Variants in CDK7 observed in about 807,000 individuals in gnomAD.
The protein encoded by CDK7 is cyclin-dependent kinase 7.
In CDK7, 25 loss-of-function variants were observed where a neutral mutation model predicts 49.1. The ratio of observed to expected loss-of-function variants is 0.51; its 90% CI spans 0.37 to 0.71. The LOEUF (loss-of-function observed/expected upper bound fraction) is 0.71. CDK7 is among the 30% of genes least tolerant of loss of function. CDK7 has a pLI of 0.00. For synonymous variants in CDK7, 107 were observed against 140.0 expected, an observed-to-expected ratio of 0.76 and a Z score of 1.67; for missense variants, 316 against 411.7, an observed-to-expected ratio of 0.77 and a Z score of 2.01.
chr5:69,236,149 G>C (rs1748959805), intron 2 of CDK7, among the ~76,000 whole-genome samples: 1 of 151,740 alleles, frequency 6.6e-6, no homozygotes. Flanking sequence ...GCTGAGGCAG[G>C]AGAATCACTT....
chr5:69,235,843 T>C (rs1420675080), intron 2 of CDK7, among the ~76,000 whole-genome samples: 1 of 152,262 alleles, frequency 6.6e-6, no homozygotes, highest in East Asian at 1.9e-4. Context: ...AGACTTTCAC[T>C]AGCATGAACA....
intron 8 of CDK7, among the ~76,000 whole-genome samples, chr5:69,268,140 T>C (rs1242821549): frequency 6.6e-6 from 1 of 152,156 alleles, no homozygotes; most frequent in Non-Finnish European, 1.5e-5. Flanking sequence ...TTTCTATGTT[T>C]GGTAGAGAGA....
At chr5:69,264,624 A>G (rs746887425) in intron 8 of CDK7, among the ~76,000 whole-genome samples, 56 of 152,290 alleles carry the variant, frequency 3.7e-4, no homozygotes, top group Middle Eastern at 3.4e-3. Context: ...GGAAATCTCA[A>G]AATAGTGAAG....
chr5:69,242,846 G>A (rs967440659), intron 2 of CDK7, among the ~76,000 whole-genome samples: 20 of 152,170 alleles, frequency 1.3e-4, no homozygotes, highest in Admixed American at 1.3e-3. Flanking sequence ...GGGAGTTTGA[G>A]ACCAGCCTGA....
At chr5:69,235,534 C>A in intron 2 of CDK7, 81 bp downstream of exon 2, 1 of 898,820 alleles carries the variant, frequency 1.1e-6, no homozygotes, top group South Asian at 1.4e-5. Flanking sequence ...TTTTATTAGT[C>A]TTGACCATAC....
chr5:69,259,990 A>C (rs1377525247), intron 7 of CDK7, 54 bp downstream of exon 7: 1 of 1,077,934 alleles, frequency 9.3e-7, no homozygotes. Flanking sequence ...ATGAGCATCA[A>C]CTGGCTTCTC....
chr5:69,240,429 T>C (rs2150182975), intron 2 of CDK7, among the ~76,000 whole-genome samples: 1 of 152,322 alleles, frequency 6.6e-6, no homozygotes, highest in African/African-American at 2.4e-5. Flanking sequence ...GATGCTTACT[T>C]AAGTACGTTG....
At chr5:69,268,133 CTA>C (rs1751281820) in intron 8 of CDK7, among the ~76,000 whole-genome samples, 2 of 152,020 alleles carry the variant, frequency 1.3e-5, no homozygotes, top group South Asian at 2.1e-4. Flanking sequence ...GCTGATTTTT[CTA>C]TGTTTGGTAG....
intron 2 of CDK7, among the ~76,000 whole-genome samples, chr5:69,235,758 G>A (rs961858100): frequency 1.3e-5 from 2 of 152,288 alleles, no homozygotes; most frequent in African/African-American, 4.8e-5. Flanking sequence ...GATCTTTCTA[G>A]GTCACTGTTT....
chr5:69,268,129 T>A (rs1751281599), intron 8 of CDK7, among the ~76,000 whole-genome samples: 1 of 152,090 alleles, frequency 6.6e-6, no homozygotes, highest in African/African-American at 2.4e-5. Context: ...CCTGGCTGAT[T>A]TTTCTATGTT....
At chr5:69,257,760 A>G (rs537039366) in intron 5 of CDK7, among the ~76,000 whole-genome samples, 2 of 152,318 alleles carry the variant, frequency 1.3e-5, no homozygotes, top group East Asian at 1.9e-4. Flanking sequence ...CCAAAGGAAC[A>G]CTAACTGCTA....
chr5:69,261,196 TAAG>T (rs1750787417), intron 7 of CDK7, among the ~76,000 whole-genome samples: 1 of 152,058 alleles, frequency 6.6e-6, no homozygotes, highest in African/African-American at 2.4e-5. Context: ...AAGCCCTGAG[TAAG>T]AAGTAGGGGA....
intron 2 of CDK7, among the ~76,000 whole-genome samples, chr5:69,249,164 T>A (rs574229464): frequency 1.2e-4 from 19 of 152,184 alleles, no homozygotes; most frequent in African/African-American, 4.6e-4. Flanking sequence ...TTCTTTATTT[T>A]TTTTCTTTTG....
chr5:69,257,979 T>G, intron 5 of CDK7, 64 bp from the exon 6 acceptor site: 1 of 810,444 alleles, frequency 1.2e-6, no homozygotes, highest in Non-Finnish European at 2.1e-6. Flanking sequence ...TGTAAATTGT[T>G]TTATGTGGTA....
At chr5:69,275,997 T>C (rs1202164100) in intron 10 of CDK7, among the ~76,000 whole-genome samples, 1 of 152,298 alleles carries the variant, frequency 6.6e-6, no homozygotes, top group Admixed American at 6.5e-5. Context: ...CTGTATAGGC[T>C]ATTTAATTAT....
chr5:69,272,240 T>G (rs766249979), intron 9 of CDK7, among the ~76,000 whole-genome samples: 11 of 152,332 alleles, frequency 7.2e-5, no homozygotes, highest in Non-Finnish European at 1.6e-4. Flanking sequence ...GTTCCATTGA[T>G]TTATGTATCT....
chr5:69,235,104 T>G, intron 1 of CDK7, 63 bp downstream of exon 1: 1 of 1,496,528 alleles, frequency 6.7e-7, no homozygotes, highest in Non-Finnish European at 9.1e-7. Flanking sequence ...CCTCCACCTT[T>G]GCGGGTTTTC....
intron 2 of CDK7, among the ~76,000 whole-genome samples, chr5:69,251,092 G>A (rs918450443): frequency 1.3e-4 from 19 of 146,622 alleles, no homozygotes; most frequent in Non-Finnish European, 2.9e-4. Flanking sequence ...ACCATGCCCC[G>A]GTAACTTTTT....
intron 2 of CDK7, among the ~76,000 whole-genome samples, chr5:69,243,891 G>C (rs1366469748): frequency 2.5e-5 from 3 of 118,994 alleles, no homozygotes; most frequent in Non-Finnish European, 3.2e-5. Flanking sequence ...GGAGTTCAAT[G>C]GTGCAATCTC....
Sources: allele counts gnomAD v4.1 joint callset (sites outside exome capture counted in the v4.1 genomes callset), GRCh38; gene constraint gnomAD v4.1.1; transcripts MANE v1.5; gene names NCBI Gene and HGNC (gene_info 2026-07-23, HGNC 2026-07-21).